The following SMAGP variants were observed in gnomAD, a reference collection of about 807,000 sequenced individuals.
SMAGP encodes small cell adhesion glycoprotein.
A neutral mutation model predicts 10.1 loss-of-function variants in SMAGP; 7 were observed. That is an observed-to-expected ratio of 0.70 (90% confidence interval 0.40 to 1.31). SMAGP has a LOEUF of 1.31. SMAGP is among the 50% of genes most tolerant of loss of function. SMAGP has a pLI of 0.01. For missense variants in SMAGP, 113 were observed against 116.5 expected, an observed-to-expected ratio of 0.97 and a Z score of 0.14; for synonymous variants, 49 against 47.2, an observed-to-expected ratio of 1.04 and a Z score of -0.16.
At chr12:51,268,017 A>G (rs1280008242) in intron 2 of SMAGP, among the ~76,000 whole-genome samples, 1 of 152,220 alleles carries the variant, frequency 6.6e-6, no homozygotes, top group Admixed American at 6.6e-5. Context: ...TAACTAGCAC[A>G]TGCTGAAAAC....
chr12:51,254,685 G>T (rs1231657914), intron 2 of SMAGP, among the ~76,000 whole-genome samples: 1 of 152,254 alleles, frequency 6.6e-6, no homozygotes, highest in African/African-American at 2.4e-5. Context: ...AGAGAAGGTT[G>T]TCAGGGGAAG....
rs2137291986 is a variant in SMAGP at position 51,245,878 on chromosome 12, A to G, written c.*63T>C. 1 of 1,538,734 alleles carries G rather than the reference A, an allele frequency of 6.5e-7. No homozygotes were observed. The highest frequency in any genetic ancestry group is 8.8e-7 in the Non-Finnish European group (1 of 1,136,250). On this transcript the variant is annotated 3_prime_UTR_variant, in exon 4 of 4. Transcript: ENST00000603798. ...CCCTGGCTTCAGAGAAAACTTTCCC[A>G]TAATAAGCAGTCAACGTGTTAGCGA...
At position 51,269,299 on chromosome 12, in the gene SMAGP, C is replaced by A. The variant is rs1298310768; in HGVS notation, c.-21G>T. ...GTCATTGTCACTAGTGGTTGAGTTT[C>A]TTGGAGAAGAGGCAGATCTGTAGGA... On this transcript the variant is annotated 5_prime_UTR_variant, in exon 2 of 4. Transcript: ENST00000603798. The A allele has an allele frequency of 6.2e-7, 1 of 1,613,866 alleles. No individual in the cohort carries two copies. The highest frequency in any genetic ancestry group is 1.1e-5 in the South Asian group (1 of 91,070).
chr12:51,268,272 C>T lies in SMAGP; in HGVS notation c.34+973G>A, dbSNP rs139221443. Among the ~76,000 whole-genome samples the T allele has an allele frequency of 3.3e-3, 501 of 152,024 alleles. 19 individuals carry two copies. The highest frequency in any genetic ancestry group is 0.031 in the Admixed American group (478 of 15,224). On this transcript the variant is annotated intron_variant, in intron 2 of 3. Transcript: ENST00000603798. ...AATAACCAACGTGACTGAGTGCTTA[C>T]GAGATACTACACACTCTTCTAGGTG...
At chr12:51,259,691 G>A (rs1944915757) in intron 2 of SMAGP, among the ~76,000 whole-genome samples, 1 of 152,148 alleles carries the variant, frequency 6.6e-6, no homozygotes, top group South Asian at 2.1e-4. Context: ...CAGATAGGTT[G>A]TGGAATTCCC....
At chr12:51,268,958 G>C (rs1221975730) in intron 2 of SMAGP, among the ~76,000 whole-genome samples, 14 of 152,170 alleles carry the variant, frequency 9.2e-5, no homozygotes, top group Admixed American at 7.9e-4. Flanking sequence ...CTAGCCTCAA[G>C]AGATCCTCCT....
In SMAGP at chr12:51,250,010, A is replaced by G. The variant is rs1944821166; in HGVS notation, c.35-3179T>C. Among the ~76,000 whole-genome samples the G allele has an allele frequency of 2.6e-5, 4 of 152,110 alleles. No homozygotes were observed. The South Asian group carries it at 8.3e-4, about 32-fold the overall frequency. On this transcript the variant is annotated intron_variant, in intron 2 of 3. Transcript: ENST00000603798. ...TTCTATTATGAAGATTAAATGAGAG[A>G]ACATGTAAACATCATATAGTAGCTA...
chr12:51,258,495 G>A (rs1287797934), intron 2 of SMAGP, among the ~76,000 whole-genome samples: 1 of 152,016 alleles, frequency 6.6e-6, no homozygotes, highest in African/African-American at 2.4e-5. Context: ...GGGAGGCTGA[G>A]GCAGGAGAAT....
rs545881552 is a variant in SMAGP at position 51,248,900 on chromosome 12, CAAAAAAAAA to C, written c.35-2078_35-2070del. ...AATCCTGTCTCTACCAAAAATACCA[CAAAAAAAAA>C]AAAAAAAAAAAAAAAAAAAAAATAG... On this transcript the variant is annotated intron_variant, in intron 2 of 3. Coordinates refer to ENST00000603798, the MANE Select transcript of SMAGP (RefSeq NM_001031628.2). Among the ~76,000 whole-genome samples, 268 of 95,610 alleles carry C rather than the reference CAAAAAAAAA, an allele frequency of 2.8e-3. 5 individuals are homozygous for C. The highest frequency in any genetic ancestry group is 0.012 in the African/African-American group (255 of 21,916). The allele number at this position is 95,610 out of a possible 152,430, so 62.7% of individuals were successfully genotyped here. A position where few individuals can be genotyped will look rare whatever the true frequency, so the allele number is the denominator to read the frequency against.
At chr12:51,268,759 T>C (rs1272367335) in intron 2 of SMAGP, among the ~76,000 whole-genome samples, 1 of 152,158 alleles carries the variant, frequency 6.6e-6, no homozygotes, top group Admixed American at 6.6e-5. Context: ...AATTTTTTTG[T>C]ATTTTTAGTA....
intron 2 of SMAGP, among the ~76,000 whole-genome samples, chr12:51,252,241 ATG>A: frequency 6.7e-6 from 1 of 148,298 alleles, no homozygotes; most frequent in South Asian, 2.2e-4. Flanking sequence ...CTACAGGCGC[ATG>A]TCACCACGCC....
chr12:51,269,672 A>AG (rs1194499204), intron 1 of SMAGP: 1 of 188,932 alleles, frequency 5.3e-6, no homozygotes, highest in Non-Finnish European at 1.1e-5. Context: ...CAGGTACCCT[A>AG]GGGTTCCACA....
intron 2 of SMAGP, among the ~76,000 whole-genome samples, chr12:51,263,040 C>T (rs999204997): frequency 4.6e-5 from 7 of 152,130 alleles, no homozygotes; most frequent in South Asian, 2.1e-4. Context: ...TCAGACTTGG[C>T]GCAAAATCCT....
intron 2 of SMAGP, among the ~76,000 whole-genome samples, chr12:51,262,101 A>G (rs1201922983): frequency 4.0e-5 from 6 of 151,782 alleles, no homozygotes; most frequent in Non-Finnish European, 7.4e-5. Flanking sequence ...AGTAACTTTA[A>G]AAAACCCTAT....
chr12:51,268,010 CT>C lies in SMAGP; in HGVS notation c.34+1234del, dbSNP rs1432274772. 4.6e-5 allele frequency among the ~76,000 whole-genome samples: 7 copies of C among 152,342 alleles called. No homozygotes were observed. The East Asian group carries it at 1.3e-3, about 29-fold the overall frequency. ...AGGGTTTGTTCCTCTCTCTCCCTAACTAGCACATGCTGAAAACAGTCAATAA... is the reference window on the plus strand; with the variant it reads ...AGGGTTTGTTCCTCTCTCTCCCTAACAGCACATGCTGAAAACAGTCAATAA... On this transcript the variant is annotated intron_variant, in intron 2 of 3. Transcript: ENST00000603798.
chr12:51,247,798 C>T (rs1257162788), intron 2 of SMAGP, among the ~76,000 whole-genome samples: 1 of 152,162 alleles, frequency 6.6e-6, no homozygotes, highest in East Asian at 1.9e-4. Context: ...GATGAAAGGT[C>T]GAGCAAAACA....
chr12:51,259,782 T>C (rs973243785), intron 2 of SMAGP, among the ~76,000 whole-genome samples: 2 of 152,082 alleles, frequency 1.3e-5, no homozygotes, highest in African/African-American at 4.8e-5. Context: ...GATGCAATCA[T>C]AGATCACTGT....
chr12:51,268,687 G>A (rs1944999720), intron 2 of SMAGP, among the ~76,000 whole-genome samples: 2 of 146,694 alleles, frequency 1.4e-5, no homozygotes, highest in Admixed American at 1.4e-4. Flanking sequence ...AGGTTCAAGC[G>A]ATTCCCATGC....
Position 51,245,619 on chromosome 12 carries a change from A to G in SMAGP, c.*322T>C, listed in dbSNP as rs1944757752. The G allele has an allele frequency of 3.8e-6, 1 of 265,616 alleles. No individual in the cohort carries two copies. Among genetic ancestry groups the G allele is most frequent in the African/African-American group, 2.2e-5 (1 of 46,366 alleles). 16.5% of individuals were successfully genotyped at this position (265,616 alleles called of 1,614,324 possible). A position where few individuals can be genotyped will look rare whatever the true frequency, so the allele number is the denominator to read the frequency against. On this transcript the variant is annotated 3_prime_UTR_variant, in exon 4 of 4. Transcript: ENST00000603798. ...GAGCAGCCAATGACCTTAACTCAAA[A>G]TCTTTTCTCTCCCTTCAACCTGTGA...
Sources: allele counts gnomAD v4.1 joint callset (sites outside exome capture counted in the v4.1 genomes callset), GRCh38; gene constraint gnomAD v4.1.1; transcripts MANE v1.5; gene names NCBI Gene and HGNC (gene_info 2026-07-23, HGNC 2026-07-21).